SLC22A23: variants seen among roughly 807,000 people sequenced by gnomAD.
The protein encoded by SLC22A23 is solute carrier family 22 member 23.
In SLC22A23, 26 loss-of-function variants were observed where a neutral mutation model predicts 61.0. The observed-to-expected ratio is 0.43, with a 90% confidence interval of 0.31 to 0.59. The LOEUF is 0.59. Ranked by LOEUF, SLC22A23 falls within the 20% of genes least tolerant of loss-of-function variation. The pLI, the probability that SLC22A23 is intolerant of heterozygous loss-of-function variation, is 0.11. For missense variants in SLC22A23, 796 were observed against 934.7 expected (o/e 0.85, Z 1.94); for synonymous variants, 430 against 413.9 (o/e 1.04, Z -0.47).
intron 4 of SLC22A23, chr6:3,312,761 C>T (rs1433803193): frequency 2.0e-5 from 3 of 152,402 alleles, no homozygotes; most frequent in African/African-American, 7.2e-5. Context: ...CACCTGTCAC[C>T]AGAGGCCCAC....
Position 3,322,238 on chromosome 6 carries a change from C to T in SLC22A23, c.1082+1596G>A, listed in dbSNP as rs1762998521. 1.3e-5 allele frequency among the ~76,000 whole-genome samples: 2 copies of T among 152,244 alleles called. No homozygotes were observed. The highest frequency in any genetic ancestry group is 6.5e-5 in the Admixed American group (1 of 15,300). ...CCATTTACTATTGCAAAGTGCTTGT[C>T]GTCTGTGCCTGGTACAGTGGGAAGC... On this transcript the variant is annotated intron_variant, in intron 4 of 9. Coordinates refer to ENST00000406686, the MANE Select transcript of SLC22A23 (RefSeq NM_015482.2). This position sits in a 1 kb window ranked among gnomAD's most constrained non-coding sequence, Gnocchi z 4.1.
At position 3,387,471 on chromosome 6, in the gene SLC22A23, G is replaced by A. The variant is rs1767384008; in HGVS notation, c.913+22717C>T. Among the ~76,000 whole-genome samples, 1 of 152,222 alleles carries A rather than the reference G, an allele frequency of 6.6e-6. No individual in the cohort carries two copies. The highest frequency in any genetic ancestry group is 6.5e-5 in the Admixed American group (1 of 15,294). Reference sequence around the variant, plus strand: ...CTGTCACAGATCAGAGGCGACTGTGGAGACACAGCTACATTTAATAGAGTG... The same window carrying A: ...CTGTCACAGATCAGAGGCGACTGTGAAGACACAGCTACATTTAATAGAGTG... On this transcript the variant is annotated intron_variant, in intron 3 of 9. Coordinates refer to ENST00000406686, the MANE Select transcript of SLC22A23 (RefSeq NM_015482.2). The surrounding 1 kb of genome is among the most constrained non-coding windows in gnomAD (Gnocchi z 5.0).
chr6:3,323,817 G>A lies in SLC22A23; in HGVS notation c.1082+17C>T, dbSNP rs970422246. On this transcript the variant is annotated intron_variant, in intron 4 of 9. Coordinates refer to ENST00000406686, the MANE Select transcript of SLC22A23 (RefSeq NM_015482.2). ...TGCAGTCGCACCAGCCCAGGGCGCT[G>A]TGCAGAGTGTACTCACGACCAGTAG... 1.9e-6 allele frequency: 3 copies of A among 1,609,660 alleles called. No homozygotes were observed. Among genetic ancestry groups the A allele is most frequent in the Admixed American group, 3.3e-5 (2 of 59,796 alleles).
chr6:3,356,721 G>A (rs1478016427), intron 3 of SLC22A23, among the ~76,000 whole-genome samples: 1 of 152,132 alleles, frequency 6.6e-6, no homozygotes, highest in Admixed American at 6.5e-5. Flanking sequence ...TCCAGGTCTT[G>A]AAACCTGCCC....
intron 3 of SLC22A23, among the ~76,000 whole-genome samples, chr6:3,391,878 G>A (rs1357668381): frequency 1.3e-5 from 2 of 151,868 alleles, no homozygotes; most frequent in Non-Finnish European, 2.9e-5. Flanking sequence ...CTGGAGGGGA[G>A]CATTTCAGGC....
At position 3,284,837 on chromosome 6, in the gene SLC22A23, C is replaced by T. The variant is rs940578341; in HGVS notation, c.1579+242G>A. The T allele has an allele frequency of 2.1e-5, 29 of 1,411,936 alleles. No homozygotes were observed. In the Admixed American group the frequency reaches 2.6e-4, roughly 13 times the overall value. The allele number at this position is 1,411,936 out of a possible 1,614,324, so 87.5% of individuals were successfully genotyped here. A position where few individuals can be genotyped will look rare whatever the true frequency, so the allele number is the denominator to read the frequency against. On this transcript the variant is annotated intron_variant, in intron 8 of 9. Coordinates refer to ENST00000406686, the MANE Select transcript of SLC22A23 (RefSeq NM_015482.2). ...CTGAGCCTGGTGCCAGGGGAAGGGGCGGGGGCATGCGTGCCAAGCAGCACA... is the reference window on the plus strand; with the variant it reads ...CTGAGCCTGGTGCCAGGGGAAGGGGTGGGGGCATGCGTGCCAAGCAGCACA...
At position 3,308,346 on chromosome 6, in the gene SLC22A23, G is replaced by A. The variant is rs575274892; in HGVS notation, c.1083-10128C>T. Among the ~76,000 whole-genome samples the A allele has an allele frequency of 3.7e-4, 57 of 152,176 alleles. No homozygotes were observed. The highest frequency in any genetic ancestry group is 6.3e-4 in the Non-Finnish European group (43 of 68,024). On this transcript the variant is annotated intron_variant, in intron 4 of 9. Transcript: ENST00000406686. This position sits in a 1 kb window ranked among gnomAD's most constrained non-coding sequence, Gnocchi z 5.1. ...TGTCCTTCCAAATCGTATTCAGGGC[G>A]CTGACACGCACCTGCATCTCCAGGT...
At chr6:3,448,159 T>G (rs961172696) in intron 1 of SLC22A23, among the ~76,000 whole-genome samples, 2 of 152,068 alleles carry the variant, frequency 1.3e-5, no homozygotes, top group Non-Finnish European at 2.9e-5. Flanking sequence ...TCCCTCGGCC[T>G]CCCGAAGTGC....
rs1430822722 is a variant in SLC22A23 at position 3,322,722 on chromosome 6, A to C, written c.1082+1112T>G. The stretch of plus-strand genomic sequence containing the variant: ...TACTACCAGGGCAGGGGCGGGGGGC[A>C]GTACCACTAAGCCAAAAGGTAGGTG... On this transcript the variant is annotated intron_variant, in intron 4 of 9. Transcript: ENST00000406686. This position sits in a 1 kb window ranked among gnomAD's most constrained non-coding sequence, Gnocchi z 4.1. Among the ~76,000 whole-genome samples the C allele has an allele frequency of 6.6e-6, 1 of 152,206 alleles. No homozygotes were observed. Among genetic ancestry groups the C allele is most frequent in the African/African-American group, 2.4e-5 (1 of 41,444 alleles).
At position 3,416,977 on chromosome 6, in the gene SLC22A23, C is replaced by T. The variant is rs147822273; in HGVS notation, c.655-1122G>A. On this transcript the variant is annotated intron_variant, in intron 1 of 9. Transcript: ENST00000406686. ...CTGTCTTCTTAGATGTCTCCCCCCGCCCCTTGTCTCTATGCTACCCAGACT... is the reference window on the plus strand; with the variant it reads ...CTGTCTTCTTAGATGTCTCCCCCCGTCCCTTGTCTCTATGCTACCCAGACT... 1.1e-3 allele frequency among the ~76,000 whole-genome samples: 170 copies of T among 152,260 alleles called. 3 individuals carry two copies. In the East Asian group the frequency reaches 0.03, roughly 27 times the overall value.
At chr6:3,354,434 T>TC (rs1764952322) in intron 3 of SLC22A23, among the ~76,000 whole-genome samples, 1 of 152,330 alleles carries the variant, frequency 6.6e-6, no homozygotes, top group South Asian at 2.1e-4. Flanking sequence ...TCTTTCCATG[T>TC]CCCTGCTGCA....
intron 1 of SLC22A23, among the ~76,000 whole-genome samples, chr6:3,434,803 G>A (rs1771099770): frequency 6.6e-6 from 1 of 152,128 alleles, no homozygotes; most frequent in Non-Finnish European, 1.5e-5. Flanking sequence ...TCCAGGAGAG[G>A]GGGCATTTGA....
At chr6:3,422,363 A>C (rs1195383835) in intron 1 of SLC22A23, among the ~76,000 whole-genome samples, 1 of 152,196 alleles carries the variant, frequency 6.6e-6, no homozygotes, top group African/African-American at 2.4e-5. Context: ...AAGATGAGTC[A>C]CAGACGGACA....
intron 3 of SLC22A23, among the ~76,000 whole-genome samples, chr6:3,398,409 C>T (rs1302712202): frequency 6.7e-6 from 1 of 149,432 alleles, no homozygotes; most frequent in African/African-American, 2.5e-5. Flanking sequence ...TCTCAGCCAG[C>T]AAACAGGAGC....
chr6:3,430,211 C>T (rs535452161), intron 1 of SLC22A23, among the ~76,000 whole-genome samples: 8 of 152,144 alleles, frequency 5.3e-5, no homozygotes, highest in Non-Finnish European at 8.8e-5. Context: ...GTTATATTCG[C>T]GAGAAAATCT....
At chr6:3,420,708 A>G (rs867865502) in intron 1 of SLC22A23, among the ~76,000 whole-genome samples, 5 of 152,356 alleles carry the variant, frequency 3.3e-5, no homozygotes, top group Middle Eastern at 6.8e-3. Flanking sequence ...CCACTTACAT[A>G]TCAATATACA....
chr6:3,354,200 T>C (rs993500483), intron 3 of SLC22A23, among the ~76,000 whole-genome samples: 5 of 152,110 alleles, frequency 3.3e-5, no homozygotes, highest in South Asian at 2.1e-4. Flanking sequence ...CACAAACACA[T>C]AGCATGGTGC....
intron 4 of SLC22A23, among the ~76,000 whole-genome samples, chr6:3,300,660 C>G (rs549024552): frequency 6.6e-6 from 1 of 152,216 alleles, no homozygotes; most frequent in Non-Finnish European, 1.5e-5. Flanking sequence ...CAGGAACAGA[C>G]TGTGAGAAGC....
chr6:3,444,871 G>A (rs537595018), intron 1 of SLC22A23: 7 of 985,568 alleles, frequency 7.1e-6, no homozygotes, highest in East Asian at 2.2e-4. Context: ...ACCTGGCAGC[G>A]CCCAAGGAAT....
Sources: allele counts gnomAD v4.1 joint callset (sites outside exome capture counted in the v4.1 genomes callset), GRCh38; gene constraint gnomAD v4.1.1; non-coding constraint Gnocchi (gnomAD v3.1); transcripts MANE v1.5; gene names NCBI Gene and HGNC (gene_info 2026-07-23, HGNC 2026-07-21).